The following ASTN1 variants were observed in gnomAD, a reference collection of about 807,000 sequenced individuals.
The protein encoded by ASTN1 is astrotactin 1, also known as astrotactin-1.
In ASTN1, 41 loss-of-function variants were observed where a neutral mutation model predicts 140.7. The observed-to-expected ratio is 0.29, with a 90% CI of 0.23 to 0.38. The LOEUF (loss-of-function observed/expected upper bound fraction) is 0.38, where lower values mean the gene tolerates loss of function less well. ASTN1 is among the 10% of genes least tolerant of loss of function. ASTN1 has a pLI of 1.00. For missense variants in ASTN1, 1,479 were observed against 1,678.8 expected, an observed-to-expected ratio of 0.88 and a Z score of 2.08; for synonymous variants, 640 against 652.2, an observed-to-expected ratio of 0.98 and a Z score of 0.29.
intron 8 of ASTN1, among the ~76,000 whole-genome samples, chr1:177,004,688 A>G (rs1237329850): frequency 6.6e-6 from 1 of 152,118 alleles, no homozygotes; most frequent in Non-Finnish European, 1.5e-5. Flanking sequence ...TTACAACCAT[A>G]TGATCTTTGA....
chr1:176,998,509 G>A (rs1444012847), intron 8 of ASTN1, among the ~76,000 whole-genome samples: 1 of 151,418 alleles, frequency 6.6e-6, no homozygotes, highest in Non-Finnish European at 1.5e-5. Flanking sequence ...TTCTTTCCAA[G>A]GGCAAAATCT....
At chr1:176,857,890 C>G (rs549414522), downstream of ASTN1, among the ~76,000 whole-genome samples, 1 of 152,118 alleles carries the variant, frequency 6.6e-6, no homozygotes, top group Middle Eastern at 3.2e-3. Context: ...AGGGACAGGG[C>G]GTGAGTCGGT....
intron 1 of ASTN1, among the ~76,000 whole-genome samples, chr1:177,100,961 C>T (rs989602515): frequency 4.6e-5 from 7 of 152,066 alleles, no homozygotes; most frequent in Non-Finnish European, 1.0e-4. Context: ...GGCATAGTGG[C>T]GGATGCCTGT....
intron 1 of ASTN1, among the ~76,000 whole-genome samples, chr1:177,083,942 C>A (rs1679299117): frequency 6.6e-6 from 1 of 152,192 alleles, no homozygotes; most frequent in African/African-American, 2.4e-5. Context: ...GCATATTTAT[C>A]CTAACTTACT....
chr1:177,030,810 T>C lies in ASTN1; in HGVS notation c.1008A>G (p.Ala336=). 6.2e-7 allele frequency: 1 copy of C among 1,614,112 alleles called. No homozygotes were observed. Among genetic ancestry groups the C allele is most frequent in the Non-Finnish European group, 8.5e-7 (1 of 1,179,970 alleles). Residue 336 remains alanine, a synonymous_variant, in exon 4 of 23, where the codon GCA becomes GCG. Coordinates refer to ENST00000361833, the MANE Select transcript of ASTN1 (RefSeq NM_004319.3). ...CCTAATGTCAGACATGCATACCTCT[T>C]GCTTTGTTGTTGATCCGCTTTCTCT... ...SSQRKRINNK[A]RAGSAFLNPE...
chr1:177,069,558 G>A (rs1480098657), intron 1 of ASTN1, among the ~76,000 whole-genome samples: 2 of 152,140 alleles, frequency 1.3e-5, no homozygotes, highest in Non-Finnish European at 2.9e-5. Context: ...AAGCAGTGAA[G>A]CTTTCTATGG....
At chr1:176,873,798 G>C (rs1410410314) in intron 21 of ASTN1, among the ~76,000 whole-genome samples, 3 of 152,056 alleles carry the variant, frequency 2.0e-5, no homozygotes, top group African/African-American at 7.2e-5. Context: ...TCTGCTCCCA[G>C]CTCGTCTGCT....
rs150504931 is a variant in ASTN1, at chr1:176,881,811, A to C, written c.3362+1048T>G. Among the ~76,000 whole-genome samples, 7 of 152,342 alleles carry C rather than the reference A, an allele frequency of 4.6e-5. No homozygotes were observed. In the East Asian group the frequency reaches 1.3e-3, roughly 29 times the overall value. Reference sequence around the variant, plus strand: ...TATATTGAAGACATTCAGCCTGAGCACTGAAGTTCATCTTGCAATCAATGC... The same window carrying C: ...TATATTGAAGACATTCAGCCTGAGCCCTGAAGTTCATCTTGCAATCAATGC... On this transcript the variant is annotated intron_variant, in intron 20 of 22. Transcript: ENST00000361833.
intron 8 of ASTN1, among the ~76,000 whole-genome samples, chr1:177,002,476 T>C (rs1412084726): frequency 2.0e-5 from 3 of 151,954 alleles, no homozygotes; most frequent in Non-Finnish European, 4.4e-5. Flanking sequence ...GTATTATAGC[T>C]AAACAAATAA....
intron 16 of ASTN1, among the ~76,000 whole-genome samples, chr1:176,896,914 T>C (rs1669530199): frequency 6.6e-6 from 1 of 152,000 alleles, no homozygotes; most frequent in Non-Finnish European, 1.5e-5. Context: ...TTTCATGCAA[T>C]GTATGGAAAA....
chr1:176,915,346 T>G (rs1365551277), intron 16 of ASTN1, among the ~76,000 whole-genome samples: 4 of 152,140 alleles, frequency 2.6e-5, no homozygotes, highest in African/African-American at 4.8e-5. Context: ...AGGCTTTAAG[T>G]CATCTGTTTG....
intron 16 of ASTN1, among the ~76,000 whole-genome samples, chr1:176,910,023 GTA>G (rs2103058311): frequency 6.6e-6 from 1 of 152,164 alleles, no homozygotes; most frequent in East Asian, 1.9e-4. Context: ...GCCTCTGCAT[GTA>G]TGTTTGTGCA....
intron 18 of ASTN1, 62 bp downstream of exon 18, chr1:176,888,009 A>G (rs1669108356): frequency 6.2e-7 from 1 of 1,603,598 alleles, no homozygotes. Context: ...ATTTCTTTGC[A>G]AATAGTAGAC....
At chr1:176,874,490 T>C (rs1262946511) in intron 21 of ASTN1, among the ~76,000 whole-genome samples, 1 of 152,152 alleles carries the variant, frequency 6.6e-6, no homozygotes, top group Non-Finnish European at 1.5e-5. Context: ...ATGGACAAAA[T>C]GGGAATTGGG....
At chr1:176,948,217 C>T (rs1177255550) in intron 12 of ASTN1, among the ~76,000 whole-genome samples, 1 of 151,504 alleles carries the variant, frequency 6.6e-6, no homozygotes, top group Admixed American at 6.6e-5. Context: ...TGTTATTTAT[C>T]TTTGCAGCTC....
rs760721420 is a variant in ASTN1 at position 176,864,310 on chromosome 1, C to A, written c.3859G>T (p.Asp1287Tyr). ...TAGATCTCTTTGCTGTCCCCATAGT[C>A]GTTGTAGGGGATACTCAGGGTCTGC... ...EEQTLSIPYN[D>Y]YGDSKEI The change falls in exon 23 of 23, where the codon GAC (aspartate) becomes TAC (tyrosine). Residue 1287 changes from aspartate (D) to tyrosine (Y), a missense_variant. By Grantham distance (160) the Asp-to-Tyr change is radical. This residue lies in a region of ASTN1 where 746 missense variants were observed against 800.9 expected (regional missense o/e 0.93). Transcript: ENST00000361833. 6.2e-7 allele frequency: 1 copy of A among 1,614,018 alleles called. No homozygotes were observed. The highest frequency in any genetic ancestry group is 8.5e-7 in the Non-Finnish European group (1 of 1,179,986).
chr1:176,884,263 T>C lies in ASTN1; in HGVS notation c.3226+76A>G, dbSNP rs1668931525. ...ATACTGGGGACCTGGAGCAAAGCCA[T>C]GAGGCAGGGCATTTTTCTTTGTTTT... is the stretch of plus-strand genomic sequence containing the variant. On this transcript the variant is annotated intron_variant, in intron 19 of 22. Transcript: ENST00000361833. 1.4e-5 allele frequency: 22 copies of C among 1,528,478 alleles called. 1 individual carries two copies. In the South Asian group the frequency reaches 2.7e-4, roughly 19 times the overall value. The allele number at this position is 1,528,478 out of a possible 1,614,324, so 94.7% of individuals were successfully genotyped here. A position where few individuals can be genotyped will look rare whatever the true frequency, so the allele number is the denominator to read the frequency against.
chr1:176,897,197 C>T (rs944022382), intron 16 of ASTN1, among the ~76,000 whole-genome samples: 1 of 147,964 alleles, frequency 6.8e-6, no homozygotes, highest in African/African-American at 2.5e-5. Context: ...ATCGCTTGAA[C>T]TCGGCAGGTG....
Position 176,900,991 on chromosome 1 carries a change from G to A in ASTN1, c.2672-6161C>T, listed in dbSNP as rs1444208465. Among the ~76,000 whole-genome samples, 3 of 152,282 alleles carry A rather than the reference G, an allele frequency of 2.0e-5. No homozygotes were observed. In the East Asian group the frequency reaches 5.8e-4, roughly 29 times the overall value. ...ATTCATTAAATGACTACAAGTGTTT[G>A]TTGACTTAATAAATCATGTCTAAAG... On this transcript the variant is annotated intron_variant, in intron 16 of 22. Coordinates refer to ENST00000361833, the MANE Select transcript of ASTN1 (RefSeq NM_004319.3).
Sources: gnomAD v4.1 joint callset for allele counts (sites outside exome capture counted in the v4.1 genomes callset) on GRCh38, gnomAD v4.1.1 for gene constraint, gnomAD v4.1.1 regional missense constraint, MANE v1.5 for transcripts, NCBI Gene and HGNC (gene_info 2026-07-23, HGNC 2026-07-21) for gene names.